CAMKMT: variants seen among roughly 807,000 people sequenced by gnomAD.
CAMKMT encodes the protein CaM KMT.
CAMKMT carries 53 observed loss-of-function variants against 48.0 expected under a neutral mutation model. The ratio of observed to expected loss-of-function variants is 1.10; its 90% CI spans 0.89 to 1.39. CAMKMT has a LOEUF of 1.39. CAMKMT is among the 40% of genes most tolerant of loss of function. The pLI is 0.00. For synonymous variants in CAMKMT, 165 were observed against 152.3 expected, an observed-to-expected ratio of 1.08 and a Z score of -0.61; for missense variants, 428 against 402.7, an observed-to-expected ratio of 1.06 and a Z score of -0.54.
chr2:44,555,634 G>T (rs1667966708), intron 3 of CAMKMT, among the ~76,000 whole-genome samples: 2 of 152,050 alleles, frequency 1.3e-5, no homozygotes, highest in East Asian at 3.8e-4. Context: ...CGTGAGAGTG[G>T]GTGAGATTAA....
chr2:44,718,001 G>A (rs1678262429), intron 7 of CAMKMT, among the ~76,000 whole-genome samples: 1 of 152,100 alleles, frequency 6.6e-6, no homozygotes, highest in Non-Finnish European at 1.5e-5. Flanking sequence ...TGTGGGGCCT[G>A]AAACTTATTT....
intron 3 of CAMKMT, among the ~76,000 whole-genome samples, chr2:44,596,463 GA>G (rs1228411307): frequency 1.3e-5 from 2 of 150,924 alleles, no homozygotes; most frequent in East Asian, 1.9e-4. Context: ...AAAGAAAAAA[GA>G]AAAAAAAGAA....
At chr2:44,510,692 G>A (rs993925930) in intron 3 of CAMKMT, among the ~76,000 whole-genome samples, 1 of 152,078 alleles carries the variant, frequency 6.6e-6, no homozygotes, top group Non-Finnish European at 1.5e-5. Context: ...GGGTACAGAT[G>A]GTTTTTGGTC....
chr2:44,371,770 A>C (rs1310778619), intron 1 of CAMKMT, among the ~76,000 whole-genome samples: 1 of 151,582 alleles, frequency 6.6e-6, no homozygotes, highest in African/African-American at 2.4e-5. Flanking sequence ...TAAAAATGAC[A>C]TTAAAAAATC....
intron 7 of CAMKMT, among the ~76,000 whole-genome samples, chr2:44,724,634 A>T (rs1678677416): frequency 6.6e-6 from 1 of 152,124 alleles, no homozygotes; most frequent in Non-Finnish European, 1.5e-5. Flanking sequence ...GTTTGTCATT[A>T]GAAGAGGCAT....
intron 3 of CAMKMT, among the ~76,000 whole-genome samples, chr2:44,496,030 A>T (rs1258756137): frequency 1.3e-5 from 2 of 152,208 alleles, no homozygotes; most frequent in Non-Finnish European, 2.9e-5. Context: ...TCCCTCCTGC[A>T]TTCAGAGTAA....
intron 3 of CAMKMT, among the ~76,000 whole-genome samples, chr2:44,478,015 A>C (rs1668776617): frequency 6.6e-6 from 1 of 152,232 alleles, no homozygotes; most frequent in South Asian, 2.1e-4. Flanking sequence ...TGGCCCTAAA[A>C]AATACCTATA....
chr2:44,673,810 G>A (rs1675503734), intron 3 of CAMKMT, among the ~76,000 whole-genome samples: 1 of 152,288 alleles, frequency 6.6e-6, no homozygotes, highest in African/African-American at 2.4e-5. Context: ...GAAAGTGACA[G>A]CATAAGTTAC....
chr2:44,410,580 A>G (rs1177821317), intron 3 of CAMKMT, among the ~76,000 whole-genome samples: 4 of 152,052 alleles, frequency 2.6e-5, no homozygotes, highest in African/African-American at 9.7e-5. Flanking sequence ...TGAAATTCCA[A>G]ATCTATTGAA....
intron 3 of CAMKMT, among the ~76,000 whole-genome samples, chr2:44,468,848 G>T (rs879807471): frequency 6.6e-6 from 1 of 152,196 alleles, no homozygotes; most frequent in African/African-American, 2.4e-5. Flanking sequence ...GAGCTGGGAG[G>T]TTGAGGCTGT....
chr2:44,589,883 T>TTAAAAAA (rs1317497090), intron 3 of CAMKMT, among the ~76,000 whole-genome samples: 3 of 23,256 alleles, frequency 1.3e-4, no homozygotes, highest in African/African-American at 4.7e-4. Flanking sequence ...GAATGATCAA[T>TTAAAAAA]AAAAAAAAAA....
intron 3 of CAMKMT, among the ~76,000 whole-genome samples, chr2:44,602,483 A>G (rs1003662040): frequency 2.0e-5 from 3 of 152,094 alleles, no homozygotes; most frequent in African/African-American, 4.8e-5. Context: ...AGATTTTACA[A>G]CTAACATCTT....
At position 44,495,259 on chromosome 2, in the gene CAMKMT, G is replaced by A. The variant is rs546246437; in HGVS notation, c.376+104954G>A. Among the ~76,000 whole-genome samples, 132 of 152,146 alleles carry A rather than the reference G, an allele frequency of 8.7e-4. 1 individual carries two copies. The highest frequency in any genetic ancestry group is 3.1e-3 in the African/African-American group (128 of 41,518). ...AAGCTTAAGCAATCCTCCTGCCTAC[G>A]CCTCCTGAGTAGCCTGGACTACAGG... On this transcript the variant is annotated intron_variant, in intron 3 of 10. Coordinates refer to ENST00000378494, the MANE Select transcript of CAMKMT (RefSeq NM_024766.5).
chr2:44,402,345 AAAAG>A (rs1682457785), intron 3 of CAMKMT, among the ~76,000 whole-genome samples: 1 of 151,836 alleles, frequency 6.6e-6, no homozygotes, highest in African/African-American at 2.4e-5. Flanking sequence ...AAAAAAAAAA[AAAAG>A]ATAGAATTTA....
At chr2:44,665,980 G>A (rs1200762548) in intron 3 of CAMKMT, among the ~76,000 whole-genome samples, 16 of 152,146 alleles carry the variant, frequency 1.1e-4, no homozygotes, top group South Asian at 8.3e-4. Flanking sequence ...GAGTTAAAGC[G>A]GACTAGGAAA....
intron 3 of CAMKMT, among the ~76,000 whole-genome samples, chr2:44,677,596 T>C (rs938871115): frequency 2.0e-5 from 3 of 151,866 alleles, no homozygotes; most frequent in Non-Finnish European, 4.4e-5. Flanking sequence ...TAATCCCAGC[T>C]ACTCAGGAGG....
intron 3 of CAMKMT, among the ~76,000 whole-genome samples, chr2:44,703,301 C>T (rs1677356650): frequency 6.6e-6 from 1 of 152,116 alleles, no homozygotes; most frequent in Non-Finnish European, 1.5e-5. Flanking sequence ...TCTCTTTAAG[C>T]AATTCATATC....
At chr2:44,369,144 A>G (rs998995971) in intron 1 of CAMKMT, among the ~76,000 whole-genome samples, 5 of 152,246 alleles carry the variant, frequency 3.3e-5, no homozygotes, top group African/African-American at 1.2e-4. Context: ...TTTGCCTCTG[A>G]AAGTGCTGGG....
At chr2:44,568,155 C>T (rs946869422) in intron 3 of CAMKMT, among the ~76,000 whole-genome samples, 2 of 152,054 alleles carry the variant, frequency 1.3e-5, no homozygotes, top group Non-Finnish European at 2.9e-5. Context: ...AGGAGTAGGG[C>T]AAAGTGTTCT....
Sources: gnomAD v4.1 joint callset for allele counts (sites outside exome capture counted in the v4.1 genomes callset) on GRCh38, gnomAD v4.1.1 for gene constraint, MANE v1.5 for transcripts, NCBI Gene and HGNC (gene_info 2026-07-23, HGNC 2026-07-21) for gene names.